Variants in VWA5A observed in about 807,000 individuals in gnomAD.
The protein encoded by VWA5A is von Willebrand factor A domain containing 5A.
VWA5A carries 77 observed loss-of-function variants against 84.6 expected under a neutral mutation model. That is an observed-to-expected ratio of 0.91 (90% CI 0.76 to 1.10). The LOEUF (loss-of-function observed/expected upper bound fraction) is 1.10. Among genes scored for constraint, VWA5A ranks in the 50% least tolerant of loss-of-function variants. VWA5A has a pLI of 0.00. For missense variants in VWA5A, 973 were observed against 963.0 expected, an observed-to-expected ratio of 1.01 and a Z score of -0.14; for synonymous variants, 334 against 350.1, an observed-to-expected ratio of 0.95 and a Z score of 0.51.
chr11:124,117,591 CT>C, intron 3 of VWA5A, 37 bp downstream of exon 3: 1 of 1,614,084 alleles, frequency 6.2e-7, no homozygotes, highest in African/African-American at 1.3e-5. Context: ...GCCATTGAAT[CT>C]TTGGCACCTA....
intron 17 of VWA5A, among the ~76,000 whole-genome samples, chr11:124,143,508 G>C (rs1209296345): frequency 1.3e-5 from 2 of 152,054 alleles, no homozygotes; most frequent in African/African-American, 4.8e-5. Context: ...GGTGTGCTAT[G>C]GTGGGAAATA....
Position 124,128,662 on chromosome 11 carries a change from C to T in VWA5A, c.1244+4346C>T, listed in dbSNP as rs116491068. 4.2e-3 allele frequency among the ~76,000 whole-genome samples: 635 copies of T among 152,204 alleles called. 1 individual carries two copies. Among genetic ancestry groups the T allele is most frequent in the African/African-American group, 0.014 (590 of 41,514 alleles). On this transcript the variant is annotated intron_variant, in intron 11 of 18. Coordinates refer to ENST00000456829, the MANE Select transcript of VWA5A (RefSeq NM_001130142.2). Reference sequence around the variant, plus strand: ...TTGTGTCCTCTCTTATTTCCTTGAACGGTGGTTTTTAGTTCTCCTTGAAGA... The same window carrying T: ...TTGTGTCCTCTCTTATTTCCTTGAATGGTGGTTTTTAGTTCTCCTTGAAGA...
chr11:124,128,790 A>G (rs1057012580), intron 11 of VWA5A, among the ~76,000 whole-genome samples: 1 of 152,046 alleles, frequency 6.6e-6, no homozygotes, highest in Non-Finnish European at 1.5e-5. Flanking sequence ...TTTGTCTATT[A>G]TTGGTGTATA....
chr11:124,137,359 C>A, intron 15 of VWA5A, 91 bp downstream of exon 15: 1 of 1,485,498 alleles, frequency 6.7e-7, no homozygotes, highest in South Asian at 1.4e-5. Context: ...GTGAAATGTT[C>A]TCAAATTGCT....
intron 18 of VWA5A, 40 bp from the exon 19 acceptor site, chr11:124,145,826 G>C (rs967432004): frequency 6.4e-7 from 1 of 1,550,680 alleles, no homozygotes; most frequent in Non-Finnish European, 8.7e-7. Flanking sequence ...GCCTCTAATT[G>C]CAATCCTTCA....
chr11:124,117,126 C>T lies in VWA5A; in HGVS notation c.-15-371C>T, dbSNP rs1168616740. ...TCACATACGATGTGTGGATATTATA[C>T]TACTCATTTTGGAAAGAAAATACTG... On this transcript the variant is annotated intron_variant, in intron 2 of 18. Coordinates refer to ENST00000456829, the MANE Select transcript of VWA5A (RefSeq NM_001130142.2). Among the ~76,000 whole-genome samples, 22 of 152,158 alleles carry T rather than the reference C, an allele frequency of 1.4e-4. No homozygotes were observed. The South Asian group carries it at 1.4e-3, about 10-fold the overall frequency.
At chr11:124,134,451 C>T (rs1261795012) in intron 11 of VWA5A, among the ~76,000 whole-genome samples, 1 of 152,188 alleles carries the variant, frequency 6.6e-6, no homozygotes, top group African/African-American at 2.4e-5. Flanking sequence ...GGCAAGAACT[C>T]TCCATTTAGA....
At chr11:124,140,737 T>C (rs186469901) in intron 15 of VWA5A, among the ~76,000 whole-genome samples, 1 of 152,260 alleles carries the variant, frequency 6.6e-6, no homozygotes, top group East Asian at 1.9e-4. Flanking sequence ...TAGGCACATG[T>C]CACCGTGCCC....
rs1376388876 is a variant in VWA5A, at chr11:124,116,610, G to T, written c.-86G>T. On this transcript the variant is annotated 5_prime_UTR_variant, in exon 2 of 19. Coordinates refer to ENST00000456829, the MANE Select transcript of VWA5A (RefSeq NM_001130142.2). ...GAACTTGCCCAGGTCAGAGGTCTGC[G>T]TAGAAGCCCTTTTCTGAGCATCCTC... The T allele has an allele frequency of 6.6e-6, 1 of 152,320 alleles. No homozygotes were observed. Among genetic ancestry groups the T allele is most frequent in the Admixed American group, 6.5e-5 (1 of 15,304 alleles). The allele number at this position is 152,320 out of a possible 1,614,324, so 9.4% of individuals were successfully genotyped here.
chr11:124,127,253 G>A (rs1266166188), intron 11 of VWA5A, among the ~76,000 whole-genome samples: 1 of 151,618 alleles, frequency 6.6e-6, no homozygotes, highest in Non-Finnish European at 1.5e-5. Flanking sequence ...ACATATAAGT[G>A]AGAACATGCA....
At position 124,119,023 on chromosome 11, in the gene VWA5A, AT is replaced by A. The variant is rs771448903; in HGVS notation, c.697del (p.Tyr233ThrfsTer19). ...HKFDRDVELLIYYNEVHTPSV... is the reference protein window; with the variant it reads ...HKFDRDVELLXYYNEVHTPSV... ...GTTTGATCGGGACGTGGAACTCCTGATTTACTACAATGAGGTGCATACCCCC... is the reference window on the plus strand; with the variant it reads ...GTTTGATCGGGACGTGGAACTCCTGATTACTACAATGAGGTGCATACCCCC... On this transcript the variant is annotated frameshift_variant, in exon 7 of 19. Transcript: ENST00000456829. LOFTEE classifies it high-confidence loss of function. 1 of 1,614,164 alleles carries A rather than the reference AT, an allele frequency of 6.2e-7. No individual in the cohort carries two copies. Among genetic ancestry groups the A allele is most frequent in the East Asian group, 2.2e-5 (1 of 44,872 alleles).
chr11:124,135,957 C>G (rs566360528), intron 12 of VWA5A, among the ~76,000 whole-genome samples, 172 bp from the exon 13 acceptor site: 2 of 152,300 alleles, frequency 1.3e-5, no homozygotes, highest in South Asian at 2.1e-4. Context: ...TCAGCTTTGG[C>G]TTATTCATAT....
chr11:124,145,389 C>A, intron 18 of VWA5A, 26 bp downstream of exon 18: 1 of 1,586,220 alleles, frequency 6.3e-7, no homozygotes, highest in South Asian at 1.2e-5. Flanking sequence ...TAAGGCCTGT[C>A]TCCTTCCCCT....
chr11:124,129,929 G>A (rs1865073447), intron 11 of VWA5A, among the ~76,000 whole-genome samples: 1 of 152,084 alleles, frequency 6.6e-6, no homozygotes, highest in Admixed American at 6.6e-5. Flanking sequence ...CAAAAAGCCA[G>A]CTCCTGGATT....
intron 11 of VWA5A, among the ~76,000 whole-genome samples, chr11:124,127,716 C>T (rs925613213): frequency 5.3e-5 from 8 of 152,072 alleles, no homozygotes; most frequent in African/African-American, 9.7e-5. Context: ...TTTTAACTGG[C>T]GTGAGATGGT....
chr11:124,136,702 T>C (rs1218550497), intron 14 of VWA5A, 28 bp downstream of exon 14: 3 of 667,370 alleles, frequency 4.5e-6, no homozygotes, highest in South Asian at 3.6e-5. Context: ...CCTTCCTTCC[T>C]TCCTTCCTTC....
intron 15 of VWA5A, among the ~76,000 whole-genome samples, chr11:124,139,225 T>TG (rs1860678571): frequency 2.0e-5 from 3 of 147,326 alleles, no homozygotes; most frequent in South Asian, 4.3e-4. Context: ...AGCATTTTGT[T>TG]TGTGTGTGTG....
At position 124,136,622 on chromosome 11, in the gene VWA5A, A is replaced by C. The variant is rs1269231509; in HGVS notation, c.1573A>C (p.Lys525Gln). The C allele has an allele frequency of 1.2e-6, 2 of 1,614,166 alleles. No individual in the cohort carries two copies. Among genetic ancestry groups the C allele is most frequent in the Non-Finnish European group, 1.7e-6 (2 of 1,180,034 alleles). Residue 525 changes from lysine to glutamine, a missense_variant, in exon 14 of 19, where the codon AAG becomes CAG. Physicochemically the swap from Lys to Gln is moderately conservative, Grantham distance 53. Transcript: ENST00000456829. ...EVCLKYTLQG[K>Q]TFEDKVTFPL... ...ATGCCTCAAATATACACTCCAGGGC[A>C]AGACTTTTGAGGATAAGGTGACATT... is the stretch of plus-strand genomic sequence containing the variant.
chr11:124,138,028 T>A (rs1860647674), intron 15 of VWA5A, among the ~76,000 whole-genome samples: 1 of 152,152 alleles, frequency 6.6e-6, no homozygotes, highest in South Asian at 2.1e-4. Context: ...CCAGCTAATT[T>A]TTTTGTATTT....
Sources: allele counts gnomAD v4.1 joint callset (sites outside exome capture counted in the v4.1 genomes callset), GRCh38; gene constraint gnomAD v4.1.1; transcripts MANE v1.5; gene names NCBI Gene and HGNC (gene_info 2026-07-23, HGNC 2026-07-21).